Variants in DCD observed in about 807,000 individuals in gnomAD.
The protein encoded by DCD is diffusible survival/evasion peptide.
In DCD, 17 loss-of-function variants were observed where a neutral mutation model predicts 14.5. That is an observed-to-expected ratio of 1.18 (90% CI 0.81 to 1.76). DCD has a LOEUF of 1.76. Ranked by LOEUF, DCD falls within the 40% of genes most tolerant of loss-of-function variation. The pLI is 0.00. For missense variants in DCD, 139 were observed against 133.4 expected, an observed-to-expected ratio of 1.04 and a Z score of -0.21; for synonymous variants, 64 against 54.0, an observed-to-expected ratio of 1.19 and a Z score of -0.82.
chr12:54,644,809 G>A, intron 4 of DCD, 53 bp from the exon 5 acceptor site: 1 of 1,572,082 alleles, frequency 6.4e-7, no homozygotes, highest in Non-Finnish European at 8.7e-7. Flanking sequence ...AAAAAAGGAA[G>A]GGAAAGAGAG....
chr12:54,644,987 C>T lies in DCD; in HGVS notation c.289+186G>A, dbSNP rs1223802222. On this transcript the variant is annotated intron_variant, in intron 4 of 4. Transcript: ENST00000293371. Reference sequence around the variant, plus strand: ...GGGGCAAGAGCAATAAAAAAAAAAGCAAGTTAGACCCCAGGAAGTATCAAT... The same window carrying T: ...GGGGCAAGAGCAATAAAAAAAAAAGTAAGTTAGACCCCAGGAAGTATCAAT... The T allele has an allele frequency of 2.7e-6, 4 of 1,490,666 alleles. No homozygotes were observed. The African/African-American group carries it at 4.2e-5, about 16-fold the overall frequency. 92.3% of individuals were successfully genotyped at this position (1,490,666 alleles called of 1,614,324 possible).
chr12:54,648,344 A>C lies in DCD; in HGVS notation c.-41T>G. On this transcript the variant is annotated 5_prime_UTR_variant, in exon 1 of 5. Coordinates refer to ENST00000293371, the MANE Select transcript of DCD (RefSeq NM_053283.4). ...AGTGGGTATGCCACCAAATCCTTGGAGATCTTGGGATCTAGGGTGTCAAGA... is the reference window on the plus strand; with the variant it reads ...AGTGGGTATGCCACCAAATCCTTGGCGATCTTGGGATCTAGGGTGTCAAGA... The C allele has an allele frequency of 2.5e-6, 4 of 1,612,776 alleles. No individual in the cohort carries two copies. Among genetic ancestry groups the C allele is most frequent in the Non-Finnish European group, 3.4e-6 (4 of 1,179,324 alleles).
At chr12:54,646,595 T>C (rs985398346) in intron 2 of DCD, among the ~76,000 whole-genome samples, 10 of 151,872 alleles carry the variant, frequency 6.6e-5, no homozygotes, top group African/African-American at 1.2e-4. Flanking sequence ...AAGAGGAACG[T>C]TGGGTAGTAG....
chr12:54,644,899 A>T, intron 4 of DCD, 143 bp from the exon 5 acceptor site: 2 of 1,550,672 alleles, frequency 1.3e-6, no homozygotes, highest in Non-Finnish European at 1.7e-6. Flanking sequence ...AGTCAGAGGG[A>T]TGGAGGTTAG....
chr12:54,645,392 C>G (rs976525449), intron 3 of DCD, 130 bp from the exon 4 acceptor site: 3 of 984,350 alleles, frequency 3.0e-6, no homozygotes, highest in Admixed American at 2.1e-5. Context: ...GAACCAACTT[C>G]TCTGTCATGG....
At chr12:54,644,957 G>A in intron 4 of DCD, 1 of 1,548,680 alleles carries the variant, frequency 6.5e-7, no homozygotes, top group Admixed American at 2.0e-5. Context: ...CCTTGGCAGG[G>A]GCAGGGGGCA....
rs1958253263 is a variant in DCD, at chr12:54,645,618, A to G, written c.187T>C (p.Ser63Pro). ...GAAAGAGGCTTACCCAGAAGGCTGG[A>G]TCTCTGCTTCCTTGGCTTTGGTGCC... is the stretch of plus-strand genomic sequence containing the variant. ...RQAPKPRKQR[S>P]SLLEKGLDGA... is the part of the protein sequence containing the mutation. The change falls in exon 3 of 5, where the codon TCC becomes CCC. Residue 63 changes from serine (S) to proline (P), a missense_variant. By Grantham distance (74) the Ser-to-Pro change is moderately conservative. Coordinates refer to ENST00000293371, the MANE Select transcript of DCD (RefSeq NM_053283.4). 1.2e-6 allele frequency: 2 copies of G among 1,613,934 alleles called. No homozygotes were observed. Among genetic ancestry groups the G allele is most frequent in the Non-Finnish European group, 8.5e-7 (1 of 1,179,958 alleles).
intron 1 of DCD, 134 bp downstream of exon 1, chr12:54,648,112 A>G (rs1222470045): frequency 1.1e-6 from 1 of 924,154 alleles, no homozygotes; most frequent in Non-Finnish European, 1.7e-6. Context: ...TGGAGAACCT[A>G]GTGGGAGGCA....
Position 54,645,720 on chromosome 12 carries a change from G to T in DCD, c.98-13C>A. The T allele has an allele frequency of 1.2e-6, 2 of 1,607,578 alleles. No homozygotes were observed. Among genetic ancestry groups the T allele is most frequent in the South Asian group, 1.1e-5 (1 of 90,894 alleles). ...GCTTCATGGCAAGCTGCAAGGGTAA[G>T]GGAGTGAGAGGAATAATAGCTATTT... On this transcript the variant is annotated splice_polypyrimidine_tract_variant and intron_variant, in intron 2 of 4. Transcript: ENST00000293371.
intron 1 of DCD, 149 bp downstream of exon 1, chr12:54,648,097 C>A: frequency 1.2e-6 from 1 of 809,506 alleles, no homozygotes; most frequent in Non-Finnish European, 2.0e-6. Context: ...CATAGAGTCC[C>A]TGTGTGGAGA....
At chr12:54,648,184 G>A in intron 1 of DCD, 62 bp downstream of exon 1, 1 of 1,587,894 alleles carries the variant, frequency 6.3e-7, no homozygotes, top group Non-Finnish European at 8.6e-7. Flanking sequence ...AAGGGGAAAT[G>A]AAGGCAGGGC....
Position 54,644,734 on chromosome 12 carries a change from G to A in DCD, c.312C>T (p.Asp104=), listed in dbSNP as rs560030993. ...ACAGCTATAGTACTGAGTCAAGGAC[G>A]TCTTTAACGTCATGGACGGCTCCTA... is the stretch of plus-strand genomic sequence containing the variant. ...VGKGAVHDVK[D]VLDSVL is the part of the protein sequence containing the mutation. Residue 104 remains aspartate (D), a synonymous_variant, in exon 5 of 5, where the codon GAC becomes GAT. Transcript: ENST00000293371. 2.2e-5 allele frequency: 35 copies of A among 1,606,586 alleles called. No homozygotes were observed. Among genetic ancestry groups the A allele is most frequent in the Middle Eastern group, 1.7e-4 (1 of 6,056 alleles).
intron 2 of DCD, 88 bp downstream of exon 2, chr12:54,647,033 C>T: frequency 2.1e-6 from 3 of 1,405,626 alleles, no homozygotes; most frequent in South Asian, 1.3e-5. Context: ...CCGGACCCCC[C>T]TTCTGCTTCT....
intron 2 of DCD, among the ~76,000 whole-genome samples, 185 bp downstream of exon 2, chr12:54,646,936 A>G (rs973911289): frequency 1.3e-5 from 2 of 151,934 alleles, no homozygotes; most frequent in Non-Finnish European, 2.9e-5. Flanking sequence ...CCTTTCCCCC[A>G]TGCTCTGTCC....
intron 3 of DCD, 26 bp downstream of exon 3, chr12:54,645,580 T>A (rs1338796840): frequency 6.3e-7 from 1 of 1,593,478 alleles, no homozygotes; most frequent in Non-Finnish European, 8.6e-7. Flanking sequence ...CAGAATTCTA[T>A]ACCAGGCATT....
At position 54,647,113 on chromosome 12, in the gene DCD, G is replaced by A; in HGVS notation, c.97+8C>T. 2 of 1,556,850 alleles carry A rather than the reference G, an allele frequency of 1.3e-6. No homozygotes were observed. The highest frequency in any genetic ancestry group is 1.7e-6 in the Non-Finnish European group (2 of 1,149,470). ...AGGACTGGGGCAGGAGGAAGAGAAA[G>A]GACTCACGGTTCCCCGATCCTGGGG... On this transcript the variant is annotated splice_region_variant and intron_variant, in intron 2 of 4. Transcript: ENST00000293371.
chr12:54,646,285 G>A (rs571486428), intron 2 of DCD: 10 of 384,270 alleles, frequency 2.6e-5, no homozygotes, highest in African/African-American at 2.1e-4. Context: ...TGCTGTGGTT[G>A]GGGCTCGCAG....
chr12:54,645,101 G>T, intron 4 of DCD, 72 bp downstream of exon 4: 1 of 1,537,180 alleles, frequency 6.5e-7, no homozygotes, highest in Non-Finnish European at 9.0e-7. Context: ...GGGGGCTGTG[G>T]CAGTTTCAGA....
chr12:54,644,911 T>G (rs1212211958), intron 4 of DCD, 155 bp from the exon 5 acceptor site: 2 of 1,549,762 alleles, frequency 1.3e-6, no homozygotes, highest in East Asian at 4.9e-5. Flanking sequence ...GGAGGTTAGA[T>G]TCACAGGAGC....
Sources: gnomAD v4.1 joint callset for allele counts (sites outside exome capture counted in the v4.1 genomes callset) on GRCh38, gnomAD v4.1.1 for gene constraint, MANE v1.5 for transcripts, NCBI Gene and HGNC (gene_info 2026-07-23, HGNC 2026-07-21) for gene names.